Variants in SDC2 observed in about 807,000 individuals in gnomAD.
SDC2 encodes the protein syndecan 2, also known as syndecan-2.
SDC2 carries 13 observed loss-of-function variants against 22.2 expected under a neutral mutation model. That is an observed-to-expected ratio of 0.59 (90% CI 0.38 to 0.93). The LOEUF (loss-of-function observed/expected upper bound fraction) is 0.93. SDC2 is among the 40% of genes least tolerant of loss of function. The probability of loss-of-function intolerance (pLI) is 0.00; values close to 1 mark genes in which losing one functional copy is unlikely to be tolerated. For missense variants in SDC2, 235 were observed against 246.8 expected (o/e 0.95, Z 0.32); for synonymous variants, 94 against 92.8 (o/e 1.01, Z -0.07).
At chr8:96,506,101 A>AT (rs1813234728) in intron 1 of SDC2, among the ~76,000 whole-genome samples, 1 of 152,212 alleles carries the variant, frequency 6.6e-6, no homozygotes, top group African/African-American at 2.4e-5. Context: ...CTTTCCTAAA[A>AT]CCTTCCTTGA....
chr8:96,513,238 AG>A (rs761559169), intron 1 of SDC2, among the ~76,000 whole-genome samples: 2 of 152,256 alleles, frequency 1.3e-5, no homozygotes, highest in Non-Finnish European at 2.9e-5. Context: ...TGTGGATTGT[AG>A]GCACATCTGC....
intron 2 of SDC2, among the ~76,000 whole-genome samples, chr8:96,599,883 A>G (rs937432892): frequency 3.3e-5 from 5 of 152,212 alleles, no homozygotes; most frequent in African/African-American, 9.6e-5. Flanking sequence ...CCTCATACCT[A>G]TAATCTCAAC....
chr8:96,577,575 T>A lies in SDC2; in HGVS notation c.61-15905T>A, dbSNP rs1198895548. Among the ~76,000 whole-genome samples, 8 of 152,338 alleles carry A rather than the reference T, an allele frequency of 5.3e-5. No individual in the cohort carries two copies. In the East Asian group the frequency reaches 1.5e-3, roughly 29 times the overall value. On this transcript the variant is annotated intron_variant, in intron 1 of 4. Coordinates refer to ENST00000302190, the MANE Select transcript of SDC2 (RefSeq NM_002998.4). The stretch of plus-strand genomic sequence containing the variant: ...ATTGGGATTAATGAACCAACATTGA[T>A]ACATTATTACTAGCTGTAGTCCATA...
chr8:96,588,004 T>A (rs891535202), intron 1 of SDC2, among the ~76,000 whole-genome samples: 5 of 152,148 alleles, frequency 3.3e-5, no homozygotes, highest in Admixed American at 3.3e-4. Context: ...GAGCCAATGC[T>A]TAATAAAATG....
At chr8:96,558,348 C>T (rs1044608717) in intron 1 of SDC2, among the ~76,000 whole-genome samples, 4 of 151,972 alleles carry the variant, frequency 2.6e-5, no homozygotes, top group Non-Finnish European at 5.9e-5. Flanking sequence ...TGTTTTGTGG[C>T]GTGCAGCTGA....
At position 96,517,470 on chromosome 8, in the gene SDC2, A is replaced by G. The variant is rs567353816; in HGVS notation, c.60+23139A>G. Among the ~76,000 whole-genome samples, 335 of 152,292 alleles carry G rather than the reference A, an allele frequency of 2.2e-3. 1 individual carries two copies. Among genetic ancestry groups the G allele is most frequent in the Middle Eastern group, 3.4e-3 (1 of 294 alleles). On this transcript the variant is annotated intron_variant, in intron 1 of 4. Coordinates refer to ENST00000302190, the MANE Select transcript of SDC2 (RefSeq NM_002998.4). ...AGAGTTTTATGGTTTTAGTTCTTAC[A>G]TTTAGATCTAAAATCTATTTTGAAT...
chr8:96,500,119 G>A (rs1163465229), intron 1 of SDC2, among the ~76,000 whole-genome samples: 1 of 152,158 alleles, frequency 6.6e-6, no homozygotes, highest in Non-Finnish European at 1.5e-5. Context: ...AGTGTCATCA[G>A]CATTGCAGGG....
At chr8:96,589,791 C>G (rs1358843524) in intron 1 of SDC2, among the ~76,000 whole-genome samples, 1 of 152,176 alleles carries the variant, frequency 6.6e-6, no homozygotes, top group Non-Finnish European at 1.5e-5. Flanking sequence ...TGTTTGAGTT[C>G]AAGAACAGTC....
At chr8:96,552,433 C>A (rs1444573) in intron 1 of SDC2, among the ~76,000 whole-genome samples, 75,993 of 151,972 alleles carry the variant, frequency 0.5, 21,592 homozygotes, top group Non-Finnish European at 0.66. Context: ...TGGCTGAATT[C>A]TGTTCAACCT....
intron 1 of SDC2, among the ~76,000 whole-genome samples, chr8:96,542,981 A>G (rs573493326): frequency 6.6e-6 from 1 of 152,308 alleles, no homozygotes; most frequent in East Asian, 1.9e-4. Flanking sequence ...GTGGGGAGAA[A>G]GAGGGAGGGG....
In SDC2 at chr8:96,611,294, A is replaced by G. The variant is rs1002766954; in HGVS notation, c.*1746A>G. On this transcript the variant is annotated 3_prime_UTR_variant, in exon 5 of 5. Transcript: ENST00000302190. ...TCTATTTTACCACTAATTTTGTTTT[A>G]AACTGTGAGCCGTCCAAGTCAGAAG... 1 of 152,406 alleles carries G rather than the reference A, an allele frequency of 6.6e-6. No individual in the cohort carries two copies. The highest frequency in any genetic ancestry group is 2.4e-5 in the African/African-American group (1 of 41,428). The allele number at this position is 152,406 out of a possible 1,614,324, so 9.4% of individuals were successfully genotyped here. A position where few individuals can be genotyped will look rare whatever the true frequency, so the allele number is the denominator to read the frequency against.
At chr8:96,563,085 C>T (rs182691111) in intron 1 of SDC2, among the ~76,000 whole-genome samples, 24 of 152,312 alleles carry the variant, frequency 1.6e-4, no homozygotes, top group African/African-American at 5.3e-4. Flanking sequence ...CCTTGACACA[C>T]GCTGTCCGTA....
intron 1 of SDC2, among the ~76,000 whole-genome samples, chr8:96,593,136 A>C (rs1002619389): frequency 2.0e-5 from 3 of 152,262 alleles, no homozygotes; most frequent in African/African-American, 7.2e-5. Context: ...GACAAAGAGA[A>C]TGCCCAAGAT....
chr8:96,495,134 G>C (rs1250114985), intron 1 of SDC2, among the ~76,000 whole-genome samples: 2 of 152,196 alleles, frequency 1.3e-5, no homozygotes, highest in African/African-American at 4.8e-5. Flanking sequence ...GGGCGAGGCG[G>C]GGTACGTGTG....
intron 1 of SDC2, among the ~76,000 whole-genome samples, chr8:96,501,111 C>T (rs779430537): frequency 1.3e-5 from 2 of 151,760 alleles, no homozygotes; most frequent in Non-Finnish European, 2.9e-5. Flanking sequence ...AGTATGCTCT[C>T]TACAAAGCAT....
At position 96,534,600 on chromosome 8, in the gene SDC2, A is replaced by T. The variant is rs182768335; in HGVS notation, c.60+40269A>T. ...TAGGCGCATACCACCATACCTGGCT[A>T]TTTTTTTTTTATTTTTTGTAGAGAC... On this transcript the variant is annotated intron_variant, in intron 1 of 4. Transcript: ENST00000302190. Among the ~76,000 whole-genome samples the T allele has an allele frequency of 2.1e-3, 319 of 148,942 alleles. 3 individuals carry two copies. Among genetic ancestry groups the T allele is most frequent in the African/African-American group, 7.5e-3 (305 of 40,628 alleles).
Position 96,564,452 on chromosome 8 carries a change from T to A in SDC2, c.61-29028T>A, listed in dbSNP as rs577157768. 3.9e-5 allele frequency among the ~76,000 whole-genome samples: 6 copies of A among 152,324 alleles called. No individual in the cohort carries two copies. The East Asian group carries it at 1.2e-3, about 29-fold the overall frequency. On this transcript the variant is annotated intron_variant, in intron 1 of 4. Coordinates refer to ENST00000302190, the MANE Select transcript of SDC2 (RefSeq NM_002998.4). ...CCTAATAGATTTTTTACCGCATAGA[T>A]TTTTCACTTCTCATTGCACTTGCAT...
chr8:96,537,415 A>T (rs1431007608), intron 1 of SDC2: 4 of 152,164 alleles, frequency 2.6e-5, no homozygotes, highest in Admixed American at 2.0e-4. Flanking sequence ...ACAGCATCTC[A>T]TGGTGTCCAG....
chr8:96,602,829 C>G (rs2130654225), intron 3 of SDC2, among the ~76,000 whole-genome samples: 1 of 152,298 alleles, frequency 6.6e-6, no homozygotes, highest in Non-Finnish European at 1.5e-5. Context: ...GGCCCTCCTT[C>G]TTAAGGAACG....
Sources: gnomAD v4.1 joint callset for allele counts (sites outside exome capture counted in the v4.1 genomes callset) on GRCh38, gnomAD v4.1.1 for gene constraint, MANE v1.5 for transcripts, NCBI Gene and HGNC (gene_info 2026-07-23, HGNC 2026-07-21) for gene names.